Variants in SUCLG2 observed in about 807,000 individuals in gnomAD.
SUCLG2 encodes the protein succinate--CoA ligase [GDP-forming] subunit beta, mitochondrial.
A neutral mutation model predicts 47.9 loss-of-function variants in SUCLG2; 42 were observed. That is an observed-to-expected ratio of 0.88 (90% CI 0.69 to 1.14). SUCLG2 has a LOEUF of 1.14. Among genes scored for constraint, SUCLG2 ranks in the 50% most tolerant of loss-of-function variants. The probability of loss-of-function intolerance (pLI) is 0.00; values close to 1 mark genes in which losing one functional copy is unlikely to be tolerated. For synonymous variants in SUCLG2, 195 were observed against 197.3 expected (o/e 0.99, Z 0.10); for missense variants, 571 against 525.9 (o/e 1.09, Z -0.84).
At chr3:67,391,718 T>C (rs767046404) in intron 10 of SUCLG2, among the ~76,000 whole-genome samples, 2 of 152,186 alleles carry the variant, frequency 1.3e-5, no homozygotes, top group South Asian at 2.1e-4. Context: ...CTTAGCTGAG[T>C]GGTGGAATTG....
intron 9 of SUCLG2, among the ~76,000 whole-genome samples, chr3:67,411,298 G>T (rs941135320): frequency 6.6e-6 from 1 of 152,062 alleles, no homozygotes; most frequent in African/African-American, 2.4e-5. Flanking sequence ...ACACCACAGA[G>T]AAATGAAGAC....
chr3:67,515,942 C>T (rs1450372775), intron 6 of SUCLG2, among the ~76,000 whole-genome samples: 1 of 152,164 alleles, frequency 6.6e-6, no homozygotes, highest in Non-Finnish European at 1.5e-5. Context: ...CAACCTCTCT[C>T]TCCCTCTGCC....
At chr3:67,389,774 T>C (rs1702339579) in intron 10 of SUCLG2, among the ~76,000 whole-genome samples, 1 of 152,170 alleles carries the variant, frequency 6.6e-6, no homozygotes, top group Admixed American at 6.5e-5. Flanking sequence ...TACAAAGAGA[T>C]GGAAACATTT....
chr3:67,416,953 T>C (rs1703051439), intron 9 of SUCLG2, among the ~76,000 whole-genome samples: 2 of 152,022 alleles, frequency 1.3e-5, no homozygotes, highest in Non-Finnish European at 2.9e-5. Context: ...TATAACCAAT[T>C]CCTGTGGAAA....
At chr3:67,407,958 T>A (rs1702852672) in intron 9 of SUCLG2, among the ~76,000 whole-genome samples, 1 of 152,138 alleles carries the variant, frequency 6.6e-6, no homozygotes, top group Admixed American at 6.6e-5. Flanking sequence ...CTTGGATAAT[T>A]GATGTTTGTA....
chr3:67,506,764 T>G (rs1380670299), intron 7 of SUCLG2, among the ~76,000 whole-genome samples: 1 of 152,264 alleles, frequency 6.6e-6, no homozygotes, highest in African/African-American at 2.4e-5. Flanking sequence ...TAAGAACTTT[T>G]GTTAAACCTT....
At chr3:67,552,371 A>G (rs1448982341) in intron 2 of SUCLG2, among the ~76,000 whole-genome samples, 1 of 152,186 alleles carries the variant, frequency 6.6e-6, no homozygotes, top group African/African-American at 2.4e-5. Flanking sequence ...ATACCAAATT[A>G]TAATAAAACA....
chr3:67,578,618 A>C (rs2107252605), intron 2 of SUCLG2, among the ~76,000 whole-genome samples: 1 of 152,242 alleles, frequency 6.6e-6, no homozygotes, highest in South Asian at 2.1e-4. Flanking sequence ...CCACGGCTGA[A>C]CCGGAGATCA....
chr3:67,514,559 T>A (rs749344665), intron 6 of SUCLG2, among the ~76,000 whole-genome samples: 3 of 152,184 alleles, frequency 2.0e-5, no homozygotes, highest in Non-Finnish European at 4.4e-5. Context: ...TAGAGGCACA[T>A]GTTGACAATT....
intron 10 of SUCLG2, chr3:67,376,452 TG>T (rs1251617389): frequency 1.1e-5 from 11 of 985,278 alleles, no homozygotes; most frequent in African/African-American, 1.7e-5. Context: ...AAGGTGTGCT[TG>T]GGGACTATTT....
Position 67,409,622 on chromosome 3 carries a change from C to A in SUCLG2, c.1063-8771G>T, listed in dbSNP as rs1437393868. Among the ~76,000 whole-genome samples, 3 of 152,190 alleles carry A rather than the reference C, an allele frequency of 2.0e-5. No individual in the cohort carries two copies. The South Asian group carries it at 6.2e-4, about 32-fold the overall frequency. On this transcript the variant is annotated intron_variant, in intron 9 of 10. Coordinates refer to ENST00000307227, the MANE Select transcript of SUCLG2 (RefSeq NM_003848.4). ...CATGACACATATTTACACATAATTACACATAATTACAACTAAAGGTTTAGT... is the reference window on the plus strand; with the variant it reads ...CATGACACATATTTACACATAATTAAACATAATTACAACTAAAGGTTTAGT...
At chr3:67,648,891 G>A (rs1217001719) in intron 1 of SUCLG2, among the ~76,000 whole-genome samples, 1 of 152,120 alleles carries the variant, frequency 6.6e-6, no homozygotes, top group African/African-American at 2.4e-5. Context: ...CGGCCAGCTG[G>A]GGAATCACTC....
chr3:67,495,992 G>T (rs187221449), intron 8 of SUCLG2, 52 bp from the exon 9 acceptor site: 2 of 1,608,628 alleles, frequency 1.2e-6, no homozygotes, highest in South Asian at 2.2e-5. Flanking sequence ...AACATGAAAT[G>T]GTCCATAAAC....
intron 7 of SUCLG2, among the ~76,000 whole-genome samples, chr3:67,503,692 A>T (rs1003011702): frequency 6.6e-6 from 1 of 152,264 alleles, no homozygotes; most frequent in Non-Finnish European, 1.5e-5. Context: ...GGTGAAAGAA[A>T]CATACCTATT....
intron 9 of SUCLG2, among the ~76,000 whole-genome samples, chr3:67,494,090 G>A (rs940232716): frequency 3.3e-5 from 5 of 152,080 alleles, no homozygotes; most frequent in African/African-American, 1.2e-4. Flanking sequence ...AAGTCATGAG[G>A]AAAACAGACA....
intron 10 of SUCLG2, among the ~76,000 whole-genome samples, chr3:67,381,013 A>G (rs1702146670): frequency 1.3e-5 from 2 of 151,940 alleles, no homozygotes; most frequent in Admixed American, 6.6e-5. Flanking sequence ...GGACACGCAG[A>G]GAAGAGGGAT....
chr3:67,537,771 C>A (rs143024315), intron 2 of SUCLG2, among the ~76,000 whole-genome samples: 1 of 152,104 alleles, frequency 6.6e-6, no homozygotes, highest in African/African-American at 2.4e-5. Flanking sequence ...TTCTAACTGG[C>A]GTGAGATGAT....
intron 10 of SUCLG2, among the ~76,000 whole-genome samples, chr3:67,367,121 C>T (rs779365906): frequency 2.6e-5 from 4 of 152,056 alleles, no homozygotes; most frequent in Non-Finnish European, 5.9e-5. Context: ...CTTTGAGAAC[C>T]AGTAACTAAT....
intron 2 of SUCLG2, among the ~76,000 whole-genome samples, chr3:67,538,062 C>A (rs1706595551): frequency 6.6e-6 from 1 of 152,152 alleles, no homozygotes; most frequent in South Asian, 2.1e-4. Context: ...TGTACAGAAG[C>A]TCTTTAGTTT....
Sources: gnomAD v4.1 joint callset for allele counts (sites outside exome capture counted in the v4.1 genomes callset) on GRCh38, gnomAD v4.1.1 for gene constraint, MANE v1.5 for transcripts, NCBI Gene and HGNC (gene_info 2026-07-23, HGNC 2026-07-21) for gene names.